The following DLG2 variants were observed in gnomAD, a reference collection of about 807,000 sequenced individuals.
The protein encoded by DLG2 is discs large MAGUK scaffold protein 2, also known as disks large homolog 2.
In DLG2, 45 loss-of-function variants were observed where a neutral mutation model predicts 132.5. The observed-to-expected ratio is 0.34, with a 90% CI of 0.27 to 0.44. The LOEUF (loss-of-function observed/expected upper bound fraction) is 0.44, where lower values mean the gene tolerates loss of function less well. Ranked by LOEUF, DLG2 falls within the 20% of genes least tolerant of loss-of-function variation. DLG2 has a pLI of 1.00. For missense variants in DLG2, 1,045 were observed against 1,196.9 expected (o/e 0.87, Z 1.87); for synonymous variants, 424 against 419.6 (o/e 1.01, Z -0.13).
At chr11:83,617,403 CAAT>C (rs1328587535) in intron 19 of DLG2, among the ~76,000 whole-genome samples, 2 of 152,118 alleles carry the variant, frequency 1.3e-5, no homozygotes, top group East Asian at 3.9e-4. Flanking sequence ...CTCCTACTGT[CAAT>C]GATATGTTTA....
chr11:85,188,863 A>G (rs2152526255), intron 4 of DLG2, among the ~76,000 whole-genome samples: 2 of 152,272 alleles, frequency 1.3e-5, no homozygotes, highest in Middle Eastern at 3.4e-3. Context: ...CCTCTAGGAC[A>G]ACATCAAACA....
intron 18 of DLG2, chr11:83,692,991 G>C (rs1001900455): frequency 5.3e-5 from 8 of 152,202 alleles, no homozygotes; most frequent in Admixed American, 2.0e-4. Flanking sequence ...CCATAGTGTG[G>C]AAAAGCCAAA....
intron 7 of DLG2, among the ~76,000 whole-genome samples, chr11:84,441,353 A>G (rs1340497512): frequency 6.6e-6 from 1 of 152,012 alleles, no homozygotes; most frequent in East Asian, 1.9e-4. Flanking sequence ...AGGTCTTGCT[A>G]TATTGCCCAG....
chr11:84,130,156 C>A (rs1169840748), intron 9 of DLG2, among the ~76,000 whole-genome samples: 1 of 151,920 alleles, frequency 6.6e-6, no homozygotes, highest in Admixed American at 6.6e-5. Context: ...ACCATAATTA[C>A]AATCTCAAGA....
chr11:84,314,091 T>G (rs562381399), intron 7 of DLG2, among the ~76,000 whole-genome samples: 1 of 152,208 alleles, frequency 6.6e-6, no homozygotes, highest in East Asian at 1.9e-4. Flanking sequence ...GTCATTACTA[T>G]GGCCCTCTGT....
At chr11:83,578,273 G>A (rs892680465) in intron 19 of DLG2, among the ~76,000 whole-genome samples, 2 of 151,520 alleles carry the variant, frequency 1.3e-5, no homozygotes, top group African/African-American at 2.4e-5. Flanking sequence ...CATCTGGAGA[G>A]TTATAGCTAA....
rs74567067 is a variant in DLG2, at chr11:84,640,963, A to C, written c.358-106232T>G. On this transcript the variant is annotated intron_variant, in intron 6 of 27. Transcript: ENST00000376104. ...TCAAAACAAACAAACAAAAAAAAAA[A>C]ACAAAAAAAAAACAACTATTGATTT... Among the ~76,000 whole-genome samples, 44 of 146,970 alleles carry C rather than the reference A, an allele frequency of 3.0e-4. 1 individual carries two copies. Among genetic ancestry groups the C allele is most frequent in the African/African-American group, 9.1e-4 (35 of 38,654 alleles).
At chr11:83,529,824 T>G (rs1157906574) in intron 21 of DLG2, among the ~76,000 whole-genome samples, 2 of 152,134 alleles carry the variant, frequency 1.3e-5, no homozygotes. Context: ...AGATGATTAC[T>G]CCTTTCTTTC....
At position 83,872,671 on chromosome 11, in the gene DLG2, A is replaced by T. The variant is rs548102905; in HGVS notation, c.1565+1749T>A. On this transcript the variant is annotated intron_variant, in intron 16 of 27. Transcript: ENST00000376104. ...AAATTGAAAAATATTCTTAGGGCAA[A>T]TTGCTAATAAGCTTTTGCTAATAAA... Among the ~76,000 whole-genome samples the T allele has an allele frequency of 2.6e-5, 4 of 152,314 alleles. No individual in the cohort carries two copies. In the South Asian group the frequency reaches 8.3e-4, roughly 32 times the overall value.
At chr11:84,191,779 C>T (rs562420954) in intron 8 of DLG2, among the ~76,000 whole-genome samples, 22 of 152,184 alleles carry the variant, frequency 1.4e-4, no homozygotes, top group African/African-American at 5.1e-4. Flanking sequence ...CGCAAAGCCA[C>T]AAAGTGGGTA....
intron 6 of DLG2, among the ~76,000 whole-genome samples, chr11:84,638,663 G>C (rs2099644866): frequency 6.6e-6 from 1 of 152,040 alleles, no homozygotes; most frequent in South Asian, 2.1e-4. Context: ...TTTAATAATA[G>C]AACCATAGTA....
chr11:85,372,728 C>A (rs2085086553), intron 3 of DLG2, among the ~76,000 whole-genome samples: 1 of 152,352 alleles, frequency 6.6e-6, no homozygotes, highest in South Asian at 2.1e-4. Flanking sequence ...GCCCTCTCTG[C>A]TTCATGGGTA....
At chr11:84,605,529 A>C (rs1051204461) in intron 6 of DLG2, among the ~76,000 whole-genome samples, 5 of 151,872 alleles carry the variant, frequency 3.3e-5, no homozygotes, top group African/African-American at 1.2e-4. Context: ...AACACTATTC[A>C]ACATCTTTGC....
At chr11:83,815,717 C>T (rs1420253875) in intron 17 of DLG2, among the ~76,000 whole-genome samples, 3 of 152,180 alleles carry the variant, frequency 2.0e-5, no homozygotes, top group Non-Finnish European at 4.4e-5. Flanking sequence ...GTGCCTTTCA[C>T]TTTACTTCAG....
intron 7 of DLG2, among the ~76,000 whole-genome samples, chr11:84,270,263 G>T (rs569046400): frequency 1.3e-5 from 2 of 152,174 alleles, no homozygotes; most frequent in African/African-American, 4.8e-5. Context: ...GCTTACATTC[G>T]CCAGACACTT....
intron 7 of DLG2, among the ~76,000 whole-genome samples, chr11:84,393,441 C>A (rs2098799994): frequency 6.6e-6 from 1 of 152,058 alleles, no homozygotes; most frequent in Non-Finnish European, 1.5e-5. Flanking sequence ...TAGTTATGTT[C>A]TTGTTTTTCT....
chr11:83,608,410 T>C (rs1442716483), intron 19 of DLG2, among the ~76,000 whole-genome samples: 7 of 152,156 alleles, frequency 4.6e-5, no homozygotes, highest in Non-Finnish European at 8.8e-5. Flanking sequence ...AAATTCAAAT[T>C]ACTCCACAAT....
intron 18 of DLG2, chr11:83,643,594 T>C (rs1241958655): frequency 6.6e-6 from 1 of 152,178 alleles, no homozygotes; most frequent in Non-Finnish European, 1.5e-5. Context: ...TATATAAAAA[T>C]CATGGAGCCA....
intron 7 of DLG2, among the ~76,000 whole-genome samples, chr11:84,517,086 T>A (rs1208151021): frequency 2.1e-5 from 3 of 145,366 alleles, no homozygotes; most frequent in Admixed American, 6.8e-5. Flanking sequence ...TTCGCAACAT[T>A]GGTTTGAGCA....
Sources: gnomAD v4.1 joint callset for allele counts (sites outside exome capture counted in the v4.1 genomes callset) on GRCh38, gnomAD v4.1.1 for gene constraint, MANE v1.5 for transcripts, NCBI Gene and HGNC (gene_info 2026-07-23, HGNC 2026-07-21) for gene names.